The following TOP1MT variants were observed in gnomAD, a reference collection of about 807,000 sequenced individuals.
TOP1MT encodes the protein DNA topoisomerase I mitochondrial, also known as DNA topoisomerase I, mitochondrial.
A neutral mutation model predicts 73.9 loss-of-function variants in TOP1MT; 80 were observed. The ratio of observed to expected loss-of-function variants is 1.08; its 90% CI spans 0.90 to 1.30. The LOEUF (loss-of-function observed/expected upper bound fraction) is 1.30. Among genes scored for constraint, TOP1MT ranks in the 50% most tolerant of loss-of-function variants. The pLI is 0.00. For missense variants in TOP1MT, 815 were observed against 808.0 expected, an observed-to-expected ratio of 1.01 and a Z score of -0.10; for synonymous variants, 338 against 326.4, an observed-to-expected ratio of 1.04 and a Z score of -0.38.
At chr8:143,333,994 G>C (rs576531128) in intron 1 of TOP1MT, 1 of 152,284 alleles carries the variant, frequency 6.6e-6, no homozygotes. Context: ...AGCTGTGAAT[G>C]GGTATGCTGA....
At chr8:143,327,762 G>C in intron 3 of TOP1MT, 1 of 368,118 alleles carries the variant, frequency 2.7e-6, no homozygotes, top group Admixed American at 3.2e-5. Context: ...GGTGGCATCA[G>C]GCCAAAGAAG....
At chr8:143,310,750 T>C (rs1293300694) in intron 12 of TOP1MT, among the ~76,000 whole-genome samples, 2 of 152,112 alleles carry the variant, frequency 1.3e-5, no homozygotes, top group Non-Finnish European at 2.9e-5. Flanking sequence ...AAGACAAACT[T>C]GCGCCTGCAA....
chr8:143,328,206 T>A (rs1350104391), intron 3 of TOP1MT: 1 of 455,462 alleles, frequency 2.2e-6, no homozygotes, highest in African/African-American at 2.0e-5. Context: ...AAAAGACAGA[T>A]TGATAAACGG....
intron 1 of TOP1MT, among the ~76,000 whole-genome samples, chr8:143,332,193 C>T (rs1354322003): frequency 6.6e-6 from 1 of 152,184 alleles, no homozygotes; most frequent in African/African-American, 2.4e-5. Flanking sequence ...CTGGGTCCTG[C>T]GGATGCAGAT....
intron 12 of TOP1MT, among the ~76,000 whole-genome samples, chr8:143,315,161 G>A (rs1816121712): frequency 6.6e-6 from 1 of 152,044 alleles, no homozygotes; most frequent in Non-Finnish European, 1.5e-5. Context: ...TCTTGTGGAG[G>A]GCCTGACATC....
chr8:143,359,348 A>T (rs1314865200), upstream of TOP1MT: 32 of 985,422 alleles, frequency 3.2e-5, no homozygotes, highest in Non-Finnish European at 3.7e-5. Context: ...AAGGGCAGGG[A>T]AAAGGCCAAC....
chr8:143,330,947 A>AGGGGGGGGGGGGGGGGG (rs140746863), intron 2 of TOP1MT, among the ~76,000 whole-genome samples: 1 of 59,860 alleles, frequency 1.7e-5, no homozygotes, highest in African/African-American at 5.0e-5. Flanking sequence ...GGGGGGAGGG[A>AGGGGGGGGGGGGGGGGG]GGGGGGGTCC....
At chr8:143,325,298 C>A (rs921617030) in intron 5 of TOP1MT, 48 bp downstream of exon 5, 1 of 1,527,756 alleles carries the variant, frequency 6.5e-7, no homozygotes, top group South Asian at 1.2e-5. Flanking sequence ...CAGCCTCACC[C>A]GGGTGGCGGG....
rs140277644 is a variant in TOP1MT at position 143,326,795 on chromosome 8, G to A, written c.361-451C>T. On this transcript the variant is annotated intron_variant, in intron 3 of 13. Coordinates refer to ENST00000329245, the MANE Select transcript of TOP1MT (RefSeq NM_052963.3). ...ATCTGGTGAACGTGACGGGATTCGC[G>A]AGGGCAAAGTCTCAGTCCATACGTG... Among the ~76,000 whole-genome samples the A allele has an allele frequency of 6.4e-3, 975 of 152,302 alleles. 5 individuals are homozygous for A. Among genetic ancestry groups the A allele is most frequent in the Non-Finnish European group, 0.011 (715 of 68,024 alleles).
chr8:143,347,259 G>A (rs781466549), upstream of TOP1MT, among the ~76,000 whole-genome samples: 7 of 152,160 alleles, frequency 4.6e-5, no homozygotes, highest in Non-Finnish European at 8.8e-5. Context: ...GGTTCACGCC[G>A]TTCTACTGCC....
rs187571261 is a variant in TOP1MT, at chr8:143,340,366, G to C, written c.29+2854C>G. Among the ~76,000 whole-genome samples the C allele has an allele frequency of 7.3e-5, 11 of 151,404 alleles. No homozygotes were observed. In the East Asian group the frequency reaches 2.0e-3, roughly 27 times the overall value. The stretch of plus-strand genomic sequence containing the variant: ...CATTCCCACCACCCCGTCAGGACAT[G>C]GAGGGAGAGAAGGGGTGGGGTAGGG... On this transcript the variant is annotated intron_variant, in intron 2 of 5. Transcript: ENST00000518007.
At chr8:143,356,039 T>C (rs999533115) in exon 1 of TOP1MT, 2 of 152,288 alleles carry the variant, frequency 1.3e-5, no homozygotes, top group Non-Finnish European at 2.9e-5. Context: ...AGCACTGCTA[T>C]AAGTCACAAG....
chr8:143,334,518 G>A (rs1816938103), intron 1 of TOP1MT, among the ~76,000 whole-genome samples: 1 of 152,252 alleles, frequency 6.6e-6, no homozygotes, highest in South Asian at 2.1e-4. Flanking sequence ...TAGGGTTGGT[G>A]GGGTGGTGCC....
chr8:143,346,409 G>T (rs1817221213), upstream of TOP1MT, among the ~76,000 whole-genome samples: 1 of 152,130 alleles, frequency 6.6e-6, no homozygotes, highest in African/African-American at 2.4e-5. Flanking sequence ...CCTCAAATTT[G>T]CTTTCCCTTG....
At chr8:143,323,114 A>G (rs1816563520) in intron 7 of TOP1MT, among the ~76,000 whole-genome samples, 1 of 132,132 alleles carries the variant, frequency 7.6e-6, no homozygotes, top group Non-Finnish European at 1.6e-5. Flanking sequence ...CACGCCACAC[A>G]TGCACGCCAC....
intron 3 of TOP1MT, chr8:143,328,418 A>G (rs1008339475): frequency 4.0e-5 from 16 of 398,944 alleles, no homozygotes; most frequent in Non-Finnish European, 7.5e-5. Flanking sequence ...AAATACTGAA[A>G]TGACACGTCA....
In TOP1MT at chr8:143,344,084, C is replaced by G. The variant is rs1201830260; in HGVS notation, c.-38-798G>C. 1 of 152,306 alleles carries G rather than the reference C, an allele frequency of 6.6e-6. No homozygotes were observed. Among genetic ancestry groups the G allele is most frequent in the African/African-American group, 2.4e-5 (1 of 41,466 alleles). The allele number at this position is 152,306 out of a possible 1,614,324, so 9.4% of individuals were successfully genotyped here. On this transcript the variant is annotated intron_variant, in intron 1 of 5. Transcript: ENST00000518007. This position sits in a 1 kb window ranked among gnomAD's most constrained non-coding sequence, Gnocchi z 4.6. ...CAGCCGAGAAAGGTGAGAGGAGGCC[C>G]TGTTGTAACACAGCTGGAAAGCAGG...
Position 143,324,488 on chromosome 8 carries a change from C to A in TOP1MT, c.813G>T (p.Leu271=). 6.2e-7 allele frequency: 1 copy of A among 1,613,934 alleles called. No individual in the cohort carries two copies. Among genetic ancestry groups the A allele is most frequent in the Middle Eastern group, 1.7e-4 (1 of 6,060 alleles). ...KYIMLNPCSK[L]KGETAWQKFE... Reference sequence around the variant, plus strand: ...CCCTGCCAAGCCCTGCGCTCACCTTCAGCTTCGAGCAAGGGTTCAGCATGA... The same window carrying A: ...CCCTGCCAAGCCCTGCGCTCACCTTAAGCTTCGAGCAAGGGTTCAGCATGA... The change falls in exon 6 of 14, where the codon CTG becomes CTT. Residue 271 remains leucine, a synonymous_variant. Transcript: ENST00000329245.
Position 143,329,160 on chromosome 8 carries a change from A to G in TOP1MT, c.360+190T>C, listed in dbSNP as rs148015021. ...GCACCGCCTATGGTCCCAGCTACTCAGGAGGCCGAGACAGGAGGATGGCTT... is the reference window on the plus strand; with the variant it reads ...GCACCGCCTATGGTCCCAGCTACTCGGGAGGCCGAGACAGGAGGATGGCTT... On this transcript the variant is annotated intron_variant, in intron 3 of 13. Transcript: ENST00000329245. Among the ~76,000 whole-genome samples the G allele has an allele frequency of 1.1e-4, 17 of 152,230 alleles. No individual in the cohort carries two copies. In the East Asian group the frequency reaches 3.1e-3, roughly 28 times the overall value.
Sources: allele counts gnomAD v4.1 joint callset (sites outside exome capture counted in the v4.1 genomes callset), GRCh38; gene constraint gnomAD v4.1.1; non-coding constraint Gnocchi (gnomAD v3.1); transcripts MANE v1.5; gene names NCBI Gene and HGNC (gene_info 2026-07-23, HGNC 2026-07-21).